The following KDELR1 variants were observed in gnomAD, a reference collection of about 807,000 sequenced individuals.
KDELR1 encodes ER lumen protein-retaining receptor 1.
In KDELR1, 16 loss-of-function variants were observed where a neutral mutation model predicts 25.5. The ratio of observed to expected loss-of-function variants is 0.63; its 90% confidence interval spans 0.43 to 0.95. The LOEUF (loss-of-function observed/expected upper bound fraction) is 0.95. Ranked by LOEUF, KDELR1 falls within the 40% of genes least tolerant of loss-of-function variation. The pLI is 0.00. For synonymous variants in KDELR1, 121 were observed against 115.0 expected, an observed-to-expected ratio of 1.05 and a Z score of -0.33; for missense variants, 159 against 265.2, an observed-to-expected ratio of 0.60 and a Z score of 2.78.
chr19:48,389,427 C>T, intron 3 of KDELR1, 126 bp downstream of exon 3: 1 of 1,080,982 alleles, frequency 9.3e-7, no homozygotes, highest in Non-Finnish European at 1.4e-6. Context: ...ATGCACTGAA[C>T]TTATGCATCC....
upstream of KDELR1, among the ~76,000 whole-genome samples, chr19:48,396,345 G>C (rs769993839): frequency 1.3e-5 from 2 of 151,850 alleles, no homozygotes; most frequent in Non-Finnish European, 2.9e-5. Flanking sequence ...TGAGCATGCA[G>C]CCCCCGTGAG....
At chr19:48,390,219 C>A (rs1211439251) in intron 2 of KDELR1, 4 of 505,512 alleles carry the variant, frequency 7.9e-6, no homozygotes, top group Admixed American at 6.9e-5. Flanking sequence ...GAGTCCAGAC[C>A]CCCAACCCCT....
chr19:48,387,939 G>A (rs1274282643), intron 3 of KDELR1: 1 of 152,186 alleles, frequency 6.6e-6, no homozygotes, highest in Non-Finnish European at 1.5e-5. Flanking sequence ...ATTCCTCCCA[G>A]GAGTTTGTAC....
Position 48,389,550 on chromosome 19 carries a change from T to C in KDELR1, c.351+3A>G, listed in dbSNP as rs751473680. 1.2e-5 allele frequency: 19 copies of C among 1,613,840 alleles called. No individual in the cohort carries two copies. The South Asian group carries it at 1.5e-4, about 13-fold the overall frequency. On this transcript the variant is annotated splice_donor_region_variant and intron_variant, in intron 3 of 4. Coordinates refer to ENST00000330720, the MANE Select transcript of KDELR1 (RefSeq NM_006801.3). ...AAATAAGGAGTCACAGCAAGGCGCCTACCTCCAGAGGGGTGAAGTCATGAT... is the reference window on the plus strand; with the variant it reads ...AAATAAGGAGTCACAGCAAGGCGCCCACCTCCAGAGGGGTGAAGTCATGAT...
chr19:48,394,195 C>G (rs1569055338), upstream of KDELR1, among the ~76,000 whole-genome samples: 1 of 148,906 alleles, frequency 6.7e-6, no homozygotes. The surrounding 1 kb of genome is among the most constrained non-coding windows in gnomAD (Gnocchi z 5.1). Context: ...GTGTGTGTGT[C>G]TGTGTGTGTG....
chr19:48,389,524 C>T (rs1233871364), intron 3 of KDELR1, 29 bp downstream of exon 3: 3 of 1,613,034 alleles, frequency 1.9e-6, no homozygotes, highest in Non-Finnish European at 1.7e-6. Flanking sequence ...ACCATCCCCC[C>T]AAATAAGGAG....
Position 48,384,211 on chromosome 19 carries a change from C to A in KDELR1, c.604+19G>T, listed in dbSNP as rs1189611439. Reference sequence around the variant, plus strand: ...CAGAAATAGGAGGTTCCCTTCCAGCCGTCCCACATTCCAGCTACCTTTGGT... The same window carrying A: ...CAGAAATAGGAGGTTCCCTTCCAGCAGTCCCACATTCCAGCTACCTTTGGT... On this transcript the variant is annotated intron_variant, in intron 4 of 4. Transcript: ENST00000330720. The surrounding 1 kb of genome is among the most constrained non-coding windows in gnomAD (Gnocchi z 4.6). 1.2e-6 allele frequency: 2 copies of A among 1,611,848 alleles called. No individual in the cohort carries two copies. Among genetic ancestry groups the A allele is most frequent in the Admixed American group, 3.3e-5 (2 of 59,946 alleles).
chr19:48,392,386 G>A (rs1303080680), upstream of KDELR1, among the ~76,000 whole-genome samples: 1 of 115,106 alleles, frequency 8.7e-6, no homozygotes, highest in Non-Finnish European at 1.8e-5. Flanking sequence ...CAGACCCAGG[G>A]GTCCAGGGCC....
In KDELR1 at chr19:48,388,916, G is replaced by GAAAA. The variant is rs1358742359; in HGVS notation, c.351+636_351+637insTTTT. 6.0e-3 allele frequency among the ~76,000 whole-genome samples: 411 copies of GAAAA among 68,500 alleles called. 3 individuals are homozygous for GAAAA. Among genetic ancestry groups the GAAAA allele is most frequent in the African/African-American group, 0.026 (372 of 14,382 alleles). The allele number at this position is 68,500 out of a possible 152,430, so 44.9% of individuals were successfully genotyped here. On this transcript the variant is annotated intron_variant, in intron 3 of 4. Coordinates refer to ENST00000330720, the MANE Select transcript of KDELR1 (RefSeq NM_006801.3). ...GGAAGGAAGAAAGGAAGAAAGGAAA[G>GAAAA]AAAGAAAGAAAGAAGGAAAGAAAGA...
Position 48,382,986 on chromosome 19 carries a change from C to A in KDELR1, c.*307G>T. On this transcript the variant is annotated 3_prime_UTR_variant, in exon 5 of 5. Coordinates refer to ENST00000330720, the MANE Select transcript of KDELR1 (RefSeq NM_006801.3). ...GGACCCTGCCCCGGCCCATAGGACA[C>A]TCAAAAACACTTTATAAAAATTGGG... The A allele has an allele frequency of 2.4e-6, 1 of 422,860 alleles. No homozygotes were observed. The highest frequency in any genetic ancestry group is 4.3e-6 in the Non-Finnish European group (1 of 231,960). The allele number at this position is 422,860 out of a possible 1,614,324, so 26.2% of individuals were successfully genotyped here.
chr19:48,390,657 G>A (rs1405765838), intron 1 of KDELR1, 133 bp from the exon 2 acceptor site: 12 of 645,276 alleles, frequency 1.9e-5, no homozygotes, highest in South Asian at 1.3e-4. Context: ...AAGGCAGGGC[G>A]CCCGGGACCA....
chr19:48,387,518 CTAGAAACACA>C (rs1970506037), intron 3 of KDELR1, among the ~76,000 whole-genome samples: 1 of 151,834 alleles, frequency 6.6e-6, no homozygotes, highest in Non-Finnish European at 1.5e-5. Flanking sequence ...CCCATCTCTA[CTAGAAACACA>C]AAAATTAGCC....
At chr19:48,393,999 G>A (rs995636866), upstream of KDELR1, among the ~76,000 whole-genome samples, 2 of 152,212 alleles carry the variant, frequency 1.3e-5, no homozygotes, top group Admixed American at 6.5e-5. This position sits in a 1 kb window ranked among gnomAD's most constrained non-coding sequence, Gnocchi z 5.6. Flanking sequence ...CCTGGGTGTC[G>A]TGGGGCTCCC....
At chr19:48,385,133 T>C (rs1300856612) in intron 3 of KDELR1, among the ~76,000 whole-genome samples, 1 of 152,178 alleles carries the variant, frequency 6.6e-6, no homozygotes, top group African/African-American at 2.4e-5. Context: ...GTGGTCTGCC[T>C]GCCTTGGCCT....
chr19:48,395,108 C>T (rs1388301256), upstream of KDELR1, among the ~76,000 whole-genome samples: 3 of 151,980 alleles, frequency 2.0e-5, no homozygotes, highest in Admixed American at 2.0e-4. Flanking sequence ...CACCCTCTCT[C>T]TCTCCCTCTC....
At position 48,388,697 on chromosome 19, in the gene KDELR1, AAAAG is replaced by A. The variant is rs796891086; in HGVS notation, c.351+852_351+855del. Among the ~76,000 whole-genome samples the A allele has an allele frequency of 3.4e-5, 5 of 146,418 alleles. 1 individual carries two copies. Among genetic ancestry groups the A allele is most frequent in the Admixed American group, 2.0e-4 (3 of 14,680 alleles). ...GAGACTTTGTCGAAAGAGAAAGGAA[AAAAG>A]AAAGAAAGGAAGAAAAGGAAGAAAA... On this transcript the variant is annotated intron_variant, in intron 3 of 4. Transcript: ENST00000330720.
At position 48,384,179 on chromosome 19, in the gene KDELR1, G is replaced by A. The variant is rs780934304; in HGVS notation, c.604+51C>T. ...GAGACCCCAGTCCCCAGGGAGGGCA[G>A]GAGCTGCAGAAATAGGAGGTTCCCT... On this transcript the variant is annotated intron_variant, in intron 4 of 4. Coordinates refer to ENST00000330720, the MANE Select transcript of KDELR1 (RefSeq NM_006801.3). The surrounding 1 kb of genome is among the most constrained non-coding windows in gnomAD (Gnocchi z 4.6). 2 of 1,604,680 alleles carry A rather than the reference G, an allele frequency of 1.2e-6. No homozygotes were observed. The highest frequency in any genetic ancestry group is 1.7e-6 in the Non-Finnish European group (2 of 1,173,438).
upstream of KDELR1, among the ~76,000 whole-genome samples, chr19:48,393,457 T>G (rs1970586759): frequency 6.6e-6 from 1 of 152,008 alleles, no homozygotes; most frequent in African/African-American, 2.4e-5. This position sits in a 1 kb window ranked among gnomAD's most constrained non-coding sequence, Gnocchi z 5.6. Context: ...GGGTTCTGAG[T>G]CCCTGCCTGC....
chr19:48,397,216 G>A, the KDELR1 span, among the ~76,000 whole-genome samples: 2 of 152,130 alleles, frequency 1.3e-5, no homozygotes, highest in Non-Finnish European at 2.9e-5. Context: ...AATGGGTTAG[G>A]GGTTGTGGTC....
Sources: allele counts gnomAD v4.1 joint callset (sites outside exome capture counted in the v4.1 genomes callset), GRCh38; gene constraint gnomAD v4.1.1; non-coding constraint Gnocchi (gnomAD v3.1); transcripts MANE v1.5; gene names NCBI Gene and HGNC (gene_info 2026-07-23, HGNC 2026-07-21).